Variants in PHACTR2 observed in about 807,000 individuals in gnomAD.
The protein encoded by PHACTR2 is phosphatase and actin regulator 2, also known as chromosome 6 open reading frame 56.
PHACTR2 carries 30 observed loss-of-function variants against 76.0 expected under a neutral mutation model. The ratio of observed to expected loss-of-function variants is 0.39; its 90% CI spans 0.30 to 0.54. PHACTR2 has a LOEUF of 0.54. Among genes scored for constraint, PHACTR2 ranks in the 20% least tolerant of loss-of-function variants. PHACTR2 has a pLI of 0.61. For synonymous variants in PHACTR2, 292 were observed against 292.5 expected, an observed-to-expected ratio of 1.00 and a Z score of 0.02; for missense variants, 696 against 781.1, an observed-to-expected ratio of 0.89 and a Z score of 1.30.
intron 2 of PHACTR2, among the ~76,000 whole-genome samples, chr6:143,746,073 C>G (rs1022868125): frequency 1.3e-5 from 2 of 152,240 alleles, no homozygotes; most frequent in African/African-American, 4.8e-5. Flanking sequence ...ATGTTTCAGG[C>G]TATCGGATGA....
At position 143,658,974 on chromosome 6, in the gene PHACTR2, A is replaced by G. The variant is rs1022921059; in HGVS notation, c.13+50652A>G. 6.6e-6 allele frequency among the ~76,000 whole-genome samples: 1 copy of G among 151,684 alleles called. No homozygotes were observed. The highest frequency in any genetic ancestry group is 2.4e-5 in the African/African-American group (1 of 41,206). ...AGGAGGTGGAGGCTGAAGTGAGCTG[A>G]GATCATGCCACTGCACTCCAGCCTG... On this transcript the variant is annotated intron_variant, in intron 1 of 11. Coordinates refer to the PHACTR2 transcript ENST00000305766. This position sits in a 1 kb window ranked among gnomAD's most constrained non-coding sequence, Gnocchi z 4.1.
chr6:143,546,702 A>T lies in PHACTR2; in HGVS notation c.217+9495A>T, dbSNP rs965050823. 6.6e-6 allele frequency among the ~76,000 whole-genome samples: 1 copy of T among 152,038 alleles called. No individual in the cohort carries two copies. The highest frequency in any genetic ancestry group is 1.5e-5 in the Non-Finnish European group (1 of 68,018). ...TGATTTTTACTCCAGATGTTTGGAGAACAAGACAGAAAGGTGTGATAATGA... is the reference window on the plus strand; with the variant it reads ...TGATTTTTACTCCAGATGTTTGGAGTACAAGACAGAAAGGTGTGATAATGA... On this transcript the variant is annotated intron_variant, in intron 1 of 11. Transcript: ENST00000367584. The surrounding 1 kb of genome is among the most constrained non-coding windows in gnomAD (Gnocchi z 4.9).
chr6:143,584,394 T>C (rs1775603779), intron 1 of PHACTR2, among the ~76,000 whole-genome samples: 1 of 152,168 alleles, frequency 6.6e-6, no homozygotes, highest in Non-Finnish European at 1.5e-5. Context: ...GGACTGAACT[T>C]TCAAGGGAAG....
Position 143,608,368 on chromosome 6 carries a change from G to T in PHACTR2, c.13+46G>T. 1 of 1,603,304 alleles carries T rather than the reference G, an allele frequency of 6.2e-7. No homozygotes were observed. Among genetic ancestry groups the T allele is most frequent in the Non-Finnish European group, 8.5e-7 (1 of 1,170,360 alleles). ...TTCTTCATAGCTGCTGGCTTCCTTT[G>T]CAGCCCGCATCCTTTACTGCGGAAG... is the stretch of plus-strand genomic sequence containing the variant. On this transcript the variant is annotated intron_variant, in intron 1 of 11. Coordinates refer to the PHACTR2 transcript ENST00000305766. This position sits in a 1 kb window ranked among gnomAD's most constrained non-coding sequence, Gnocchi z 4.6.
In PHACTR2 at chr6:143,765,388, C is replaced by T. The variant is rs755092553; in HGVS notation, c.822C>T (p.Thr274=). 3 of 1,614,202 alleles carry T rather than the reference C, an allele frequency of 1.9e-6. No individual in the cohort carries two copies. In the South Asian group the frequency reaches 3.3e-5, roughly 18 times the overall value. The part of the protein sequence containing the change: ...TVSSKAGTVG[T]TKGKRKTDKQ... ...CTAGCAAAGCAGGGACAGTGGGGACCACCAAGGGCAAGAGAAAAACTGACA... is the reference window on the plus strand; with the variant it reads ...CTAGCAAAGCAGGGACAGTGGGGACTACCAAGGGCAAGAGAAAAACTGACA... Residue 274 remains threonine, a synonymous_variant, in exon 6 of 13, where the codon ACC becomes ACT. Coordinates refer to ENST00000440869, the MANE Select transcript of PHACTR2 (RefSeq NM_001100164.2). The surrounding 1 kb of genome is among the most constrained non-coding windows in gnomAD (Gnocchi z 4.1).
In PHACTR2 at chr6:143,827,037, A is replaced by G. The variant is rs1776543432; in HGVS notation, c.*3348A>G. 1 of 150,772 alleles carries G rather than the reference A, an allele frequency of 6.6e-6. No individual in the cohort carries two copies. Among genetic ancestry groups the G allele is most frequent in the Non-Finnish European group, 1.5e-5 (1 of 67,732 alleles). 9.3% of individuals were successfully genotyped at this position (150,772 alleles called of 1,614,324 possible). ...TTAAGGAAATAAAGGAATTCAATAC[A>G]CCCTTCAAAAGTCACCAAATACTGA... On this transcript the variant is annotated 3_prime_UTR_variant, in exon 13 of 13. Coordinates refer to ENST00000440869, the MANE Select transcript of PHACTR2 (RefSeq NM_001100164.2).
chr6:143,817,628 A>G (rs1311799991), intron 12 of PHACTR2, among the ~76,000 whole-genome samples: 1 of 152,218 alleles, frequency 6.6e-6, no homozygotes, highest in Non-Finnish European at 1.5e-5. Flanking sequence ...TTGAATGGAT[A>G]ATGAAATTGT....
chr6:143,547,816 C>G lies in PHACTR2; in HGVS notation c.217+10609C>G, dbSNP rs1775031105. ...ATTGGTTGTGATCAAGGAGGGCACT[C>G]TCTTTTTGTTTCCAGGGATTGATCT... On this transcript the variant is annotated intron_variant, in intron 1 of 11. Transcript: ENST00000367584. This position sits in a 1 kb window ranked among gnomAD's most constrained non-coding sequence, Gnocchi z 4.2. Among the ~76,000 whole-genome samples, 1 of 152,140 alleles carries G rather than the reference C, an allele frequency of 6.6e-6. No individual in the cohort carries two copies. Among genetic ancestry groups the G allele is most frequent in the Admixed American group, 6.5e-5 (1 of 15,278 alleles).
chr6:143,668,495 G>C (rs1029319447), intron 1 of PHACTR2, among the ~76,000 whole-genome samples: 1 of 152,112 alleles, frequency 6.6e-6, no homozygotes, highest in African/African-American at 2.4e-5. Flanking sequence ...CTCTGAATCT[G>C]TCTGGTCCTG....
In PHACTR2 at chr6:143,539,811, G is replaced by A. The variant is rs1011417794; in HGVS notation, c.217+2604G>A. ...CCAGGTTGTTCTTAGTCACCTTGCA[G>A]TTTGAAAAGTGCTGCTCTCCCACAC... On this transcript the variant is annotated intron_variant, in intron 1 of 11. Coordinates refer to the PHACTR2 transcript ENST00000367584. This position sits in a 1 kb window ranked among gnomAD's most constrained non-coding sequence, Gnocchi z 4.3. Among the ~76,000 whole-genome samples, 3 of 152,166 alleles carry A rather than the reference G, an allele frequency of 2.0e-5. No individual in the cohort carries two copies. The highest frequency in any genetic ancestry group is 6.5e-5 in the Admixed American group (1 of 15,270).
At chr6:143,699,192 G>A (rs1036888787) in intron 1 of PHACTR2, among the ~76,000 whole-genome samples, 7 of 151,920 alleles carry the variant, frequency 4.6e-5, no homozygotes, top group East Asian at 1.9e-4. Context: ...CCCAAATCTC[G>A]CTATGACCTG....
chr6:143,758,142 A>T (rs879781494), intron 4 of PHACTR2, among the ~76,000 whole-genome samples: 1 of 152,182 alleles, frequency 6.6e-6, no homozygotes, highest in East Asian at 1.9e-4. Context: ...TTGCCAACCA[A>T]TCTGGTGAAC....
chr6:143,655,543 A>G (rs1290260813), intron 1 of PHACTR2, among the ~76,000 whole-genome samples: 1 of 152,240 alleles, frequency 6.6e-6, no homozygotes, highest in Admixed American at 6.5e-5. Flanking sequence ...GGAATATGTC[A>G]TTAATTATAG....
intron 1 of PHACTR2, among the ~76,000 whole-genome samples, chr6:143,644,623 T>G (rs1277084317): frequency 6.6e-6 from 1 of 152,140 alleles, no homozygotes; most frequent in East Asian, 1.9e-4. Context: ...TTTTCACATT[T>G]TATCAGCTTT....
chr6:143,607,693 A>C (rs1000245323), upstream of PHACTR2, among the ~76,000 whole-genome samples: 50 of 152,208 alleles, frequency 3.3e-4, no homozygotes, highest in Non-Finnish European at 7.3e-4. Flanking sequence ...ATTTATTTGG[A>C]ACAGAGATAT....
intron 1 of PHACTR2, among the ~76,000 whole-genome samples, chr6:143,587,090 G>C (rs1775638482): frequency 6.6e-6 from 1 of 152,162 alleles, no homozygotes; most frequent in Non-Finnish European, 1.5e-5. Flanking sequence ...CTCACTACCA[G>C]TGTTCATTTA....
At chr6:143,769,542 G>A (rs1333954527) in intron 6 of PHACTR2, among the ~76,000 whole-genome samples, 1 of 152,104 alleles carries the variant, frequency 6.6e-6, no homozygotes, top group Non-Finnish European at 1.5e-5. Context: ...CCTTGGTTAG[G>A]CAACTCACTC....
At position 143,633,075 on chromosome 6, in the gene PHACTR2, T is replaced by TCA. The variant is rs1287998888; in HGVS notation, c.13+24753_13+24754insCA. Among the ~76,000 whole-genome samples the TCA allele has an allele frequency of 6.6e-6, 1 of 152,238 alleles. No individual in the cohort carries two copies. Among genetic ancestry groups the TCA allele is most frequent in the Non-Finnish European group, 1.5e-5 (1 of 68,044 alleles). On this transcript the variant is annotated intron_variant, in intron 1 of 11. Transcript: ENST00000305766. The surrounding 1 kb of genome is among the most constrained non-coding windows in gnomAD (Gnocchi z 4.1). Reference sequence around the variant, plus strand: ...AATGAAGCTGCTATAAACATCTGTGTGCAGGGCTTTTTGCTGACATAATCT... The same window carrying TCA: ...AATGAAGCTGCTATAAACATCTGTGTCAGCAGGGCTTTTTGCTGACATAATCT...
rs1208656400 is a variant in PHACTR2 at position 143,591,392 on chromosome 6, G to C, written c.217+54185G>C. Among the ~76,000 whole-genome samples the C allele has an allele frequency of 6.6e-6, 1 of 152,102 alleles. No homozygotes were observed. Among genetic ancestry groups the C allele is most frequent in the Non-Finnish European group, 1.5e-5 (1 of 68,012 alleles). Reference sequence around the variant, plus strand: ...AAGAGAAACTTCCTGTTTTTTTCTAGGTGTTCCAGGTAGGTGGCCAAGGAG... The same window carrying C: ...AAGAGAAACTTCCTGTTTTTTTCTACGTGTTCCAGGTAGGTGGCCAAGGAG... On this transcript the variant is annotated intron_variant, in intron 1 of 11. Transcript: ENST00000367584. This position sits in a 1 kb window ranked among gnomAD's most constrained non-coding sequence, Gnocchi z 6.4.
Sources: allele counts gnomAD v4.1 joint callset (sites outside exome capture counted in the v4.1 genomes callset), GRCh38; gene constraint gnomAD v4.1.1; non-coding constraint Gnocchi (gnomAD v3.1); transcripts MANE v1.5; gene names NCBI Gene and HGNC (gene_info 2026-07-23, HGNC 2026-07-21).